Variants in TMEM45A observed in about 807,000 individuals in gnomAD.
The protein encoded by TMEM45A is transmembrane protein 45A.
A neutral mutation model predicts 32.0 loss-of-function variants in TMEM45A; 25 were observed. That is an observed-to-expected ratio of 0.78 (90% confidence interval 0.57 to 1.09). The LOEUF (loss-of-function observed/expected upper bound fraction) is 1.09. Ranked by LOEUF, TMEM45A falls within the 50% of genes least tolerant of loss-of-function variation. The probability of loss-of-function intolerance (pLI) is 0.00; values close to 1 mark genes in which losing one functional copy is unlikely to be tolerated. For missense variants in TMEM45A, 302 were observed against 325.0 expected, an observed-to-expected ratio of 0.93 and a Z score of 0.54; for synonymous variants, 122 against 114.8, an observed-to-expected ratio of 1.06 and a Z score of -0.40.
chr3:100,538,517 G>A (rs578007930), intron 1 of TMEM45A, among the ~76,000 whole-genome samples: 4 of 152,090 alleles, frequency 2.6e-5, no homozygotes, highest in Non-Finnish European at 4.4e-5. Context: ...AAAATGTCCC[G>A]TGTCATCACT....
At chr3:100,507,088 C>T (rs1321322266) in intron 1 of TMEM45A, among the ~76,000 whole-genome samples, 2 of 152,144 alleles carry the variant, frequency 1.3e-5, no homozygotes, top group South Asian at 2.1e-4. Context: ...CTGAGCTCCA[C>T]AATATGAGCC....
intron 1 of TMEM45A, among the ~76,000 whole-genome samples, chr3:100,498,837 A>G (rs112037250): frequency 1.3e-5 from 2 of 152,136 alleles, no homozygotes; most frequent in African/African-American, 4.8e-5. Flanking sequence ...TTACATCCCT[A>G]CAGCAGTACA....
intron 5 of TMEM45A, among the ~76,000 whole-genome samples, chr3:100,569,402 G>C (rs1706511803): frequency 6.6e-6 from 1 of 152,168 alleles, no homozygotes; most frequent in African/African-American, 2.4e-5. Flanking sequence ...GTAGGTGTCT[G>C]CCTAATTTGA....
Position 100,555,416 on chromosome 3 carries a change from C to T in TMEM45A, c.190+15C>T. Reference sequence around the variant, plus strand: ...GGCTTTAACTGGTGAGTGGACCATTCTGTGTTCTATTTTTACCTTTTAGGT... The same window carrying T: ...GGCTTTAACTGGTGAGTGGACCATTTTGTGTTCTATTTTTACCTTTTAGGT... On this transcript the variant is annotated intron_variant, in intron 2 of 5. Coordinates refer to ENST00000323523, the MANE Select transcript of TMEM45A (RefSeq NM_018004.3). 6.2e-7 allele frequency: 1 copy of T among 1,601,400 alleles called. No homozygotes were observed. The highest frequency in any genetic ancestry group is 2.2e-5 in the East Asian group (1 of 44,732).
rs117342365 is a variant in TMEM45A at position 100,518,748 on chromosome 3, G to T, written c.-4+25820G>T. On this transcript the variant is annotated intron_variant, in intron 1 of 5. Transcript: ENST00000323523. ...ACTGGAGTGTTCGTCTATTCCCCTT[G>T]TGTGGGTTAAGATAAGCATGAGATG... 2.6e-5 allele frequency among the ~76,000 whole-genome samples: 4 copies of T among 152,268 alleles called. No individual in the cohort carries two copies. In the East Asian group the frequency reaches 7.7e-4, roughly 29 times the overall value.
chr3:100,544,231 C>A (rs1705941872), intron 1 of TMEM45A, among the ~76,000 whole-genome samples: 1 of 152,126 alleles, frequency 6.6e-6, no homozygotes, highest in African/African-American at 2.4e-5. Context: ...TGCACTGCTC[C>A]TATCCCCTAG....
At chr3:100,498,488 G>A (rs1026138697) in intron 1 of TMEM45A, among the ~76,000 whole-genome samples, 5 of 152,146 alleles carry the variant, frequency 3.3e-5, no homozygotes, top group African/African-American at 9.7e-5. Context: ...TGCACCTTCA[G>A]CCTGCTAGCC....
At chr3:100,571,341 T>C (rs1576296870) in intron 5 of TMEM45A, 1 of 147,774 alleles carries the variant, frequency 6.8e-6, no homozygotes, top group African/African-American at 2.6e-5. Flanking sequence ...TTTTTTCTAG[T>C]AGAGTCCTTG....
intron 1 of TMEM45A, among the ~76,000 whole-genome samples, chr3:100,543,290 A>C (rs1432897802): frequency 2.6e-5 from 4 of 152,156 alleles, no homozygotes; most frequent in African/African-American, 7.2e-5. Context: ...TTATGTTACT[A>C]CAACCAGTTG....
intron 1 of TMEM45A, among the ~76,000 whole-genome samples, chr3:100,508,624 GGAAC>G (rs752632815): frequency 1.3e-5 from 2 of 152,036 alleles, no homozygotes; most frequent in Admixed American, 1.3e-4. Context: ...ATAGAGAAGT[GGAAC>G]AGAATAGAGA....
intron 1 of TMEM45A, among the ~76,000 whole-genome samples, chr3:100,515,641 A>G (rs1249199205): frequency 6.6e-6 from 1 of 151,686 alleles, no homozygotes; most frequent in Non-Finnish European, 1.5e-5. Flanking sequence ...TAAAAAAAAA[A>G]AAAGAAAAGA....
chr3:100,506,274 TA>T (rs1338592604), intron 1 of TMEM45A, among the ~76,000 whole-genome samples: 2 of 152,038 alleles, frequency 1.3e-5, no homozygotes, highest in African/African-American at 4.8e-5. Flanking sequence ...TAATAAATCA[TA>T]AAAAAGCAAT....
chr3:100,534,207 G>A (rs1705699975), intron 1 of TMEM45A, among the ~76,000 whole-genome samples: 1 of 152,180 alleles, frequency 6.6e-6, no homozygotes, highest in Admixed American at 6.5e-5. Flanking sequence ...TCCTAAGAGG[G>A]TTGTGATAAG....
intron 1 of TMEM45A, among the ~76,000 whole-genome samples, chr3:100,497,946 G>A (rs12636805): frequency 0.22 from 34,104 of 152,040 alleles, 4,158 homozygotes; most frequent in East Asian, 0.37. Context: ...GATATGGTTT[G>A]GCTTTGTGTC....
chr3:100,522,582 T>C (rs1463239325), intron 1 of TMEM45A, among the ~76,000 whole-genome samples: 3 of 152,174 alleles, frequency 2.0e-5, no homozygotes, highest in Non-Finnish European at 2.9e-5. Flanking sequence ...CTTTTTCATG[T>C]CACAGTATAC....
At chr3:100,512,147 C>A (rs1479520390) in intron 1 of TMEM45A, among the ~76,000 whole-genome samples, 1 of 152,168 alleles carries the variant, frequency 6.6e-6, no homozygotes, top group African/African-American at 2.4e-5. Flanking sequence ...GCAGAACTCT[C>A]CACCCCAAAT....
chr3:100,519,686 G>C (rs998447823), intron 1 of TMEM45A: 81 of 1,386,852 alleles, frequency 5.8e-5, no homozygotes, highest in East Asian at 2.2e-4. Context: ...TAAAGACCTA[G>C]TTTGAACCTG....
chr3:100,539,214 A>G (rs1475180807), intron 1 of TMEM45A, among the ~76,000 whole-genome samples: 1 of 152,216 alleles, frequency 6.6e-6, no homozygotes, highest in Admixed American at 6.5e-5. Context: ...TTAAAGCTTC[A>G]GTGATCAAGA....
chr3:100,561,838 C>T (rs1457446632), intron 4 of TMEM45A, among the ~76,000 whole-genome samples: 1 of 152,164 alleles, frequency 6.6e-6, no homozygotes, highest in Admixed American at 6.5e-5. Context: ...CTCCACTAGT[C>T]CCCCCAGAGA....
Sources: gnomAD v4.1 joint callset for allele counts (sites outside exome capture counted in the v4.1 genomes callset) on GRCh38, gnomAD v4.1.1 for gene constraint, MANE v1.5 for transcripts, NCBI Gene and HGNC (gene_info 2026-07-23, HGNC 2026-07-21) for gene names.